The following SLC6A12 variants were observed in gnomAD, a reference collection of about 807,000 sequenced individuals.
SLC6A12 encodes solute carrier family 6 member 12.
Under a neutral mutation model 73.3 loss-of-function variants are expected in SLC6A12, and 50 were observed. The observed-to-expected ratio is 0.68, with a 90% confidence interval of 0.54 to 0.86. The LOEUF (loss-of-function observed/expected upper bound fraction) is 0.86, where lower values mean the gene tolerates loss of function less well. Ranked by LOEUF, SLC6A12 falls within the 40% of genes least tolerant of loss-of-function variation. SLC6A12 has a pLI of 0.00. For missense variants in SLC6A12, 648 were observed against 772.8 expected (o/e 0.84, Z 1.92); for synonymous variants, 304 against 309.2 (o/e 0.98, Z 0.18).
chr12:197,827 A>C (rs895065183), intron 9 of SLC6A12, 73 bp downstream of exon 9: 6 of 1,096,474 alleles, frequency 5.5e-6, no homozygotes, highest in Non-Finnish European at 8.3e-6. Context: ...CCCAGAGACT[A>C]TGGGTCTTTG....
rs1346480072 is a variant in SLC6A12, at chr12:204,548, G to C, written c.349+16C>G. ...ATGGCGGCCCCATGAAGGGGAAGGT[G>C]GGGGAGGATACATACCCTGGAAGAG... On this transcript the variant is annotated intron_variant, in intron 4 of 15. Coordinates refer to ENST00000684302, the MANE Select transcript of SLC6A12 (RefSeq NM_001122848.3). The C allele has an allele frequency of 1.2e-6, 2 of 1,613,330 alleles. No individual in the cohort carries two copies. The highest frequency in any genetic ancestry group is 1.7e-6 in the Non-Finnish European group (2 of 1,179,438).
intron 7 of SLC6A12, 167 bp from the exon 8 acceptor site, chr12:199,098 T>G: frequency 2.7e-6 from 1 of 368,618 alleles, no homozygotes; most frequent in Non-Finnish European, 5.2e-6. Context: ...CACATTCCAG[T>G]GGGTCTGTGC....
Position 202,730 on chromosome 12 carries a change from TG to T in SLC6A12, c.490+9del. 6.2e-7 allele frequency: 1 copy of T among 1,611,172 alleles called. No individual in the cohort carries two copies. The highest frequency in any genetic ancestry group is 8.5e-7 in the Non-Finnish European group (1 of 1,178,316). ...ACAGGCAACATCCCAGGGGCTGAAATGATGGATACCTGTGTTCCAAAAGTTG... is the reference window on the plus strand; with the variant it reads ...ACAGGCAACATCCCAGGGGCTGAAATATGGATACCTGTGTTCCAAAAGTTG... On this transcript the variant is annotated intron_variant, in intron 5 of 15. Coordinates refer to ENST00000684302, the MANE Select transcript of SLC6A12 (RefSeq NM_001122848.3).
In SLC6A12 at chr12:197,888, C is replaced by A; in HGVS notation, c.950+12G>T. On this transcript the variant is annotated intron_variant, in intron 9 of 15. Coordinates refer to ENST00000684302, the MANE Select transcript of SLC6A12 (RefSeq NM_001122848.3). The stretch of plus-strand genomic sequence containing the variant: ...CCCTCCTTCACCCCACCCCGGCCCA[C>A]GCTGTTCTCACTTGTAGCAGTTGTT... 6.3e-7 allele frequency: 1 copy of A among 1,574,980 alleles called. No individual in the cohort carries two copies. The highest frequency in any genetic ancestry group is 1.1e-5 in the South Asian group (1 of 90,028).
chr12:188,436 C>G (rs1161329314), downstream of SLC6A12, among the ~76,000 whole-genome samples: 2 of 151,942 alleles, frequency 1.3e-5, no homozygotes, highest in African/African-American at 2.4e-5. Context: ...CGCGCAGCCC[C>G]GCTTCCCGCC....
intron 7 of SLC6A12, chr12:199,152 G>A: frequency 3.1e-6 from 1 of 325,334 alleles, no homozygotes; most frequent in Non-Finnish European, 6.0e-6. Flanking sequence ...GGAGGGTGGG[G>A]AGGGGAGGAG....
At chr12:187,589 C>CAAAAGAGCAAAAAAAAAAA (rs1939453849), downstream of SLC6A12, among the ~76,000 whole-genome samples, 6 of 106,074 alleles carry the variant, frequency 5.7e-5, no homozygotes, top group African/African-American at 2.7e-4. Flanking sequence ...TGCAAAAGAG[C>CAAAAGAGCAAAAAAAAAAA]AAAAAAAAAA....
At chr12:189,224 G>T (rs1435083467), downstream of SLC6A12, among the ~76,000 whole-genome samples, 18 of 152,084 alleles carry the variant, frequency 1.2e-4, no homozygotes, top group Admixed American at 6.5e-5. Context: ...CGTGCTAGGG[G>T]CCCCGGGGGA....
rs1403306708 is a variant in SLC6A12, at chr12:198,866, G to A, written c.777C>T (p.Thr259=). 1.9e-6 allele frequency: 3 copies of A among 1,614,018 alleles called. No individual in the cohort carries two copies. The highest frequency in any genetic ancestry group is 3.3e-5 in the Admixed American group (2 of 60,008). ...MLVILLIRGV[T]LPGAYQGIIY... ...TGATGCCCTGGTAGGCTCCGGGAAG[G>A]GTGACACCTCTGATCAGCAAAATGA... Residue 259 remains threonine, a synonymous_variant, in exon 8 of 16, where the codon ACC becomes ACT. Coordinates refer to ENST00000684302, the MANE Select transcript of SLC6A12 (RefSeq NM_001122848.3). The surrounding 1 kb of genome is among the most constrained non-coding windows in gnomAD (Gnocchi z 4.0).
chr12:204,502 C>T (rs769293998), intron 4 of SLC6A12, 62 bp downstream of exon 4: 11 of 1,516,212 alleles, frequency 7.3e-6, no homozygotes, highest in Middle Eastern at 1.8e-4. Context: ...CAGGGAGAGA[C>T]CATGGGGGGA....
At chr12:187,502 C>G (rs1939451557), downstream of SLC6A12, among the ~76,000 whole-genome samples, 2 of 148,754 alleles carry the variant, frequency 1.3e-5, no homozygotes, top group Admixed American at 1.4e-4. Flanking sequence ...CAGAAGTAAA[C>G]CTGCAGATTT....
intron 3 of SLC6A12, among the ~76,000 whole-genome samples, chr12:209,427 G>A (rs970641128): frequency 6.6e-6 from 1 of 152,058 alleles, no homozygotes; most frequent in African/African-American, 2.4e-5. Context: ...CTAGCGCCGG[G>A]TCTGGCACGT....
In SLC6A12 at chr12:196,527, G is replaced by A. The variant is rs140506348; in HGVS notation, c.1188+243C>T. Among the ~76,000 whole-genome samples, 250 of 152,320 alleles carry A rather than the reference G, an allele frequency of 1.6e-3. 2 individuals carry two copies. Among genetic ancestry groups the A allele is most frequent in the African/African-American group, 5.7e-3 (236 of 41,568 alleles). ...TGGGGCTGGGCAGCTCGAGCTGAAG[G>A]AACATCTGGGAGGAAACATCCATGC... On this transcript the variant is annotated intron_variant, in intron 11 of 15. Coordinates refer to ENST00000684302, the MANE Select transcript of SLC6A12 (RefSeq NM_001122848.3).
At chr12:186,744 G>A (rs980786603), downstream of SLC6A12, among the ~76,000 whole-genome samples, 1 of 152,228 alleles carries the variant, frequency 6.6e-6, no homozygotes, top group Non-Finnish European at 1.5e-5. Flanking sequence ...CACATCTATT[G>A]AGATGTAGCT....
downstream of SLC6A12, among the ~76,000 whole-genome samples, chr12:187,589 CAAAAAA>C (rs761187495): frequency 9.4e-5 from 10 of 106,044 alleles, no homozygotes; most frequent in Admixed American, 5.1e-4. Context: ...TGCAAAAGAG[CAAAAAA>C]AAAAAAAAAA....
chr12:191,265 G>A, intron 15 of SLC6A12, 54 bp from the exon 16 acceptor site: 1 of 1,252,806 alleles, frequency 8.0e-7, no homozygotes, highest in Non-Finnish European at 1.0e-6. Context: ...GGCGCAGAAG[G>A]TTCCTCATGT....
chr12:186,554 A>AG (rs1939433571), downstream of SLC6A12, among the ~76,000 whole-genome samples: 1 of 152,192 alleles, frequency 6.6e-6, no homozygotes. Flanking sequence ...TGCTGCCACT[A>AG]GAAGCCTTGG....
Position 193,276 on chromosome 12 carries a change from C to A in SLC6A12, c.1530+1G>T, listed in dbSNP as rs199744288. ...TAGAGGGGCAGCTGGTGGGCACATA[C>A]CAGGCAAAGTCCAGGGGTCAGGAAG... is the stretch of plus-strand genomic sequence containing the variant. On this transcript the variant is annotated splice_donor_variant, in intron 14 of 15. Coordinates refer to ENST00000684302, the MANE Select transcript of SLC6A12 (RefSeq NM_001122848.3). LOFTEE classifies it high-confidence loss of function. 3.7e-6 allele frequency: 6 copies of A among 1,609,860 alleles called. No individual in the cohort carries two copies.
the SLC6A12 span, among the ~76,000 whole-genome samples, chr12:184,520 G>A: frequency 2.0e-5 from 3 of 152,148 alleles, 1 homozygote; most frequent in South Asian, 2.1e-4. Context: ...GGAGGCCGAG[G>A]CGGGCGGATC....
Sources: gnomAD v4.1 joint callset for allele counts (sites outside exome capture counted in the v4.1 genomes callset) on GRCh38, gnomAD v4.1.1 for gene constraint, Gnocchi (gnomAD v3.1) non-coding constraint, MANE v1.5 for transcripts, NCBI Gene and HGNC (gene_info 2026-07-23, HGNC 2026-07-21) for gene names.